The following NRDE2 variants were observed in gnomAD, a reference collection of about 807,000 sequenced individuals.
The protein encoded by NRDE2 is NRDE-2, necessary for RNA interference, domain containing.
NRDE2 carries 76 observed loss-of-function variants against 124.2 expected under a neutral mutation model. The ratio of observed to expected loss-of-function variants is 0.61; its 90% CI spans 0.51 to 0.74. The LOEUF (loss-of-function observed/expected upper bound fraction) is 0.74, where lower values mean the gene tolerates loss of function less well. Ranked by LOEUF, NRDE2 falls within the 30% of genes least tolerant of loss-of-function variation. The pLI, the probability that NRDE2 is intolerant of heterozygous loss-of-function variation, is 0.00. For synonymous variants in NRDE2, 489 were observed against 528.1 expected (o/e 0.93, Z 1.01); for missense variants, 1,314 against 1,417.3 (o/e 0.93, Z 1.17).
rs1250795479 is a variant in NRDE2 at position 90,290,439 on chromosome 14, G to A, written c.2011C>T (p.Leu671Phe). Residue 671 changes from leucine (L) to phenylalanine (F), a missense_variant, in exon 10 of 14, where the codon CTT becomes TTT. Transcript: ENST00000354366. The stretch of plus-strand genomic sequence containing the variant: ...AAAGTCAAGGGCTTTTCATCATAAA[G>A]TCCATTATCAAAGATGCTGTTCTCA... The part of the protein sequence containing the change: ...MDENSIFDNG[L>F]YDEKPLTFFN... The A allele has an allele frequency of 1.2e-6, 2 of 1,613,920 alleles. No individual in the cohort carries two copies. Among genetic ancestry groups the A allele is most frequent in the African/African-American group, 1.3e-5 (1 of 74,906 alleles).
chr14:90,313,119 ATTTTTTTTT>A (rs1207268681), intron 3 of NRDE2, among the ~76,000 whole-genome samples: 1 of 102,264 alleles, frequency 9.8e-6, no homozygotes, highest in Non-Finnish European at 1.9e-5. Context: ...TCTCAGCCTC[ATTTTTTTTT>A]TTTTTTTTTT....
rs940209132 is a variant in NRDE2, at chr14:90,301,462, G to C, written c.1412-90C>G. The stretch of plus-strand genomic sequence containing the variant: ...TCTCAAAACAGGCAATTAACACATT[G>C]AGAACACCTTTCACCTGCAATCACT... On this transcript the variant is annotated intron_variant, in intron 6 of 13. Coordinates refer to ENST00000354366, the MANE Select transcript of NRDE2 (RefSeq NM_017970.4). 17 of 1,217,730 alleles carry C rather than the reference G, an allele frequency of 1.4e-5. No homozygotes were observed. The South Asian group carries it at 2.3e-4, about 16-fold the overall frequency. 75.4% of individuals were successfully genotyped at this position (1,217,730 alleles called of 1,614,324 possible).
intron 7 of NRDE2, among the ~76,000 whole-genome samples, chr14:90,299,828 G>A (rs1321510542): frequency 6.6e-6 from 1 of 152,160 alleles, no homozygotes; most frequent in Non-Finnish European, 1.5e-5. Context: ...TTTAAATAGT[G>A]TGATAAATGA....
intron 1 of NRDE2, among the ~76,000 whole-genome samples, chr14:90,329,077 T>C (rs1885566003): frequency 6.6e-6 from 1 of 152,222 alleles, no homozygotes; most frequent in Non-Finnish European, 1.5e-5. Context: ...CAATACTTTA[T>C]AAAACATACT....
rs1159377915 is a variant in NRDE2 at position 90,316,672 on chromosome 14, A to G, written c.313T>C (p.Ser105Pro). ...HKKTKRKHGP[S>P]SSSRSETDTD... is the part of the protein sequence containing the mutation. ...TCTGTCTCAGACCTGCTGCTACTCG[A>G]CGGCCCATGCTTCCTCTTTGTTTTC... The change falls in exon 3 of 14, where the codon TCG becomes CCG. Residue 105 changes from serine (S) to proline (P), a missense_variant. By Grantham distance (74) the Ser-to-Pro change is moderately conservative (BLOSUM62 -1). Transcript: ENST00000354366. The G allele has an allele frequency of 6.2e-7, 1 of 1,614,028 alleles. No homozygotes were observed. The highest frequency in any genetic ancestry group is 1.7e-5 in the Admixed American group (1 of 60,010).
rs935715558 is a variant in NRDE2, at chr14:90,286,257, T to G, written c.3297+97A>C. 1.4e-5 allele frequency: 20 copies of G among 1,398,484 alleles called. No individual in the cohort carries two copies. The African/African-American group carries it at 2.9e-4, about 20-fold the overall frequency. 86.6% of individuals were successfully genotyped at this position (1,398,484 alleles called of 1,614,324 possible). On this transcript the variant is annotated intron_variant, in intron 12 of 13. Coordinates refer to ENST00000354366, the MANE Select transcript of NRDE2 (RefSeq NM_017970.4). ...GTGAAATATGGCCTCCCAGCTCTCCTGGGCAGGGGCTACTTCTCATTTCAT... is the reference window on the plus strand; with the variant it reads ...GTGAAATATGGCCTCCCAGCTCTCCGGGGCAGGGGCTACTTCTCATTTCAT...
At chr14:90,294,884 T>A (rs1892365789) in intron 8 of NRDE2, among the ~76,000 whole-genome samples, 1 of 152,234 alleles carries the variant, frequency 6.6e-6, no homozygotes, top group Non-Finnish European at 1.5e-5. Flanking sequence ...TCCATTTATA[T>A]AACCTTCATG....
chr14:90,312,868 GAA>G (rs1364073695), intron 3 of NRDE2, among the ~76,000 whole-genome samples: 1 of 152,152 alleles, frequency 6.6e-6, no homozygotes, highest in South Asian at 2.1e-4. Flanking sequence ...ACTGTAACCT[GAA>G]TTTCAAATAT....
chr14:90,290,519 A>G lies in NRDE2; in HGVS notation c.1931T>C (p.Leu644Ser). The change falls in exon 10 of 14, where the codon TTG becomes TCG. Residue 644 changes from leucine to serine, a missense_variant. By Grantham distance (145) the Leu-to-Ser change is moderately radical (BLOSUM62 -2). Transcript: ENST00000354366. ...AGGAGTAAAGCCAGAAGGCACACCC[A>G]AGAACTGCAGGAAGGCCTCCACCAG... ...FQLVEAFLQF[L>S]GVPSGFTPPA... is the part of the protein sequence containing the mutation. 6.2e-7 allele frequency: 1 copy of G among 1,614,076 alleles called. No individual in the cohort carries two copies. The highest frequency in any genetic ancestry group is 8.5e-7 in the Non-Finnish European group (1 of 1,180,010).
At chr14:90,325,406 T>C (rs937382084) in intron 1 of NRDE2, among the ~76,000 whole-genome samples, 1 of 152,216 alleles carries the variant, frequency 6.6e-6, no homozygotes, top group Admixed American at 6.5e-5. Flanking sequence ...TGCTGGGCAC[T>C]CTCTGCTGCT....
intron 1 of NRDE2, among the ~76,000 whole-genome samples, chr14:90,326,263 G>A (rs942522813): frequency 1.3e-5 from 2 of 152,120 alleles, no homozygotes; most frequent in African/African-American, 4.8e-5. Context: ...GGGAGGCCGA[G>A]GCGGGTGGAT....
At chr14:90,302,132 G>A (rs1417748847) in intron 6 of NRDE2, among the ~76,000 whole-genome samples, 2 of 152,116 alleles carry the variant, frequency 1.3e-5, no homozygotes, top group African/African-American at 2.4e-5. Context: ...TGCTGATGGA[G>A]AAACTGGGGC....
chr14:90,269,718 TG>T lies in NRDE2; in HGVS notation c.*8617del. The T allele has an allele frequency of 7.9e-6, 5 of 633,120 alleles. No individual in the cohort carries two copies. The highest frequency in any genetic ancestry group is 1.3e-5 in the Non-Finnish European group (5 of 381,710). The allele number at this position is 633,120 out of a possible 1,614,324, so 39.2% of individuals were successfully genotyped here. ...TTGAGATGAGGGTTAAAACAGAGCA[TG>T]ATATGGTCTGTGCACCTTGGCCCTT... On this transcript the variant is annotated 3_prime_UTR_variant, in exon 14 of 14. Coordinates refer to ENST00000354366, the MANE Select transcript of NRDE2 (RefSeq NM_017970.4).
intron 9 of NRDE2, among the ~76,000 whole-genome samples, chr14:90,291,466 G>C (rs1301532524): frequency 6.6e-6 from 1 of 152,218 alleles, no homozygotes; most frequent in African/African-American, 2.4e-5. Context: ...GCAGCAGTCT[G>C]CTCCAGAAAT....
At chr14:90,315,957 C>CAAAAAAAAAAAAAA (rs59604203) in intron 3 of NRDE2, among the ~76,000 whole-genome samples, 2 of 74,396 alleles carry the variant, frequency 2.7e-5, no homozygotes, top group Admixed American at 1.7e-4. Flanking sequence ...AACCCCGTCT[C>CAAAAAAAAAAAAAA]AAAAAAAAAA....
chr14:90,287,033 C>CAAAAAAAAAAAAA (rs60863011), intron 11 of NRDE2, among the ~76,000 whole-genome samples: 9 of 23,816 alleles, frequency 3.8e-4, no homozygotes, highest in East Asian at 1.9e-3. Context: ...GACTCCGTCT[C>CAAAAAAAAAAAAA]AAAAAAAAAA....
chr14:90,320,578 A>T (rs949901629), intron 1 of NRDE2, among the ~76,000 whole-genome samples: 1 of 152,242 alleles, frequency 6.6e-6, no homozygotes, highest in Non-Finnish European at 1.5e-5. Context: ...ACCATAATGT[A>T]TGCTTCCTGA....
In NRDE2 at chr14:90,273,102, C is replaced by T. The variant is rs17799220; in HGVS notation, c.*5234G>A. 3 of 152,188 alleles carry T rather than the reference C, an allele frequency of 2.0e-5. No individual in the cohort carries two copies. The highest frequency in any genetic ancestry group is 2.9e-5 in the Non-Finnish European group (2 of 68,016). 9.4% of individuals were successfully genotyped at this position (152,188 alleles called of 1,614,324 possible). Reference sequence around the variant, plus strand: ...CTTTCTCCGTCTATTTCCGTCATTTCTCTTTCTGAACAAATCAGGCCTAAA... The same window carrying T: ...CTTTCTCCGTCTATTTCCGTCATTTTTCTTTCTGAACAAATCAGGCCTAAA... On this transcript the variant is annotated 3_prime_UTR_variant, in exon 14 of 14. Transcript: ENST00000354366.
intron 9 of NRDE2, among the ~76,000 whole-genome samples, chr14:90,291,633 T>A (rs1004090295): frequency 1.4e-4 from 22 of 152,164 alleles, no homozygotes; most frequent in African/African-American, 5.3e-4. Context: ...GTAAGTACCC[T>A]CTCCAAGACT....
Sources: gnomAD v4.1 joint callset for allele counts (sites outside exome capture counted in the v4.1 genomes callset) on GRCh38, gnomAD v4.1.1 for gene constraint, MANE v1.5 for transcripts, NCBI Gene and HGNC (gene_info 2026-07-23, HGNC 2026-07-21) for gene names.